PNKD: variants seen among roughly 807,000 people sequenced by gnomAD.
PNKD encodes the protein PNKD metallo-beta-lactamase domain containing.
PNKD carries 36 observed loss-of-function variants against 45.3 expected under a neutral mutation model. The observed-to-expected ratio is 0.80, with a 90% CI of 0.61 to 1.05. PNKD has a LOEUF of 1.05. Ranked by LOEUF, PNKD falls within the 50% of genes least tolerant of loss-of-function variation. PNKD has a pLI of 0.00. For missense variants in PNKD, 511 were observed against 506.6 expected, an observed-to-expected ratio of 1.01 and a Z score of -0.08; for synonymous variants, 197 against 210.1, an observed-to-expected ratio of 0.94 and a Z score of 0.54.
rs577350887 is a variant in PNKD at position 218,304,715 on chromosome 2, T to C, written c.236+33166T>C. 4.6e-5 allele frequency among the ~76,000 whole-genome samples: 7 copies of C among 152,284 alleles called. No homozygotes were observed. The South Asian group carries it at 1.5e-3, about 32-fold the overall frequency. ...GGTCAAATAAAACCATAATTGAATT[T>C]GGGTTTTGTCGCCTGTGATGGTATG... is the stretch of plus-strand genomic sequence containing the variant. On this transcript the variant is annotated intron_variant, in intron 2 of 9. Transcript: ENST00000273077.
Position 218,344,890 on chromosome 2 carries a change from C to G in PNKD, c.1067C>G (p.Pro356Arg). The G allele has an allele frequency of 6.2e-7, 1 of 1,613,870 alleles. No homozygotes were observed. The highest frequency in any genetic ancestry group is 8.5e-7 in the Non-Finnish European group (1 of 1,179,810). Residue 356 changes from proline to arginine, a missense_variant, in exon 10 of 10, where the codon CCG becomes CGG. Transcript: ENST00000273077. The part of the protein sequence containing the change: ...HCLALQEALG[P>R]GPGPTGDDDY... Reference sequence around the variant, plus strand: ...CTGGCGCTACAGGAGGCTCTGGGGCCGGGGCCGGGCCCCACTGGGGATGAT... The same window carrying G: ...CTGGCGCTACAGGAGGCTCTGGGGCGGGGGCCGGGCCCCACTGGGGATGAT...
At chr2:218,328,919 G>C (rs986419087) in intron 2 of PNKD, among the ~76,000 whole-genome samples, 13 of 152,246 alleles carry the variant, frequency 8.5e-5, no homozygotes, top group African/African-American at 3.1e-4. Flanking sequence ...TTCCTAAGGG[G>C]CCTTGGGGCC....
intron 2 of PNKD, chr2:218,280,520 T>C: frequency 3.8e-6 from 1 of 264,708 alleles, no homozygotes; most frequent in South Asian, 3.9e-5. Flanking sequence ...AGAGCGCAGT[T>C]TGTGCAGCAG....
intron 2 of PNKD, among the ~76,000 whole-genome samples, chr2:218,323,949 C>T (rs1694068605): frequency 6.6e-6 from 1 of 152,232 alleles, no homozygotes; most frequent in South Asian, 2.1e-4. Context: ...TCTTCTGTCC[C>T]AAGCAAGAGT....
chr2:218,274,967 T>C (rs1691053173), intron 2 of PNKD: 1 of 153,328 alleles, frequency 6.5e-6, no homozygotes, highest in Non-Finnish European at 1.5e-5. Flanking sequence ...AGCTAAAAGA[T>C]GCCAAGCCAA....
At chr2:218,323,379 G>A (rs1378211679) in intron 2 of PNKD, 2 of 1,578,348 alleles carry the variant, frequency 1.3e-6, no homozygotes, top group African/African-American at 1.4e-5. Context: ...AGCGCGGCGG[G>A]GCCTCCGCGG....
At chr2:218,275,701 G>C in intron 2 of PNKD, 2 of 1,535,466 alleles carry the variant, frequency 1.3e-6, no homozygotes, top group Non-Finnish European at 1.8e-6. Flanking sequence ...ATTTGTCTTG[G>C]GGGCCTATGC....
rs1382279543 is a variant in PNKD at position 218,315,118 on chromosome 2, TTC to T, written c.237-24664_237-24663del. 3.5e-3 allele frequency among the ~76,000 whole-genome samples: 446 copies of T among 126,988 alleles called. 3 individuals carry two copies. Among genetic ancestry groups the T allele is most frequent in the African/African-American group, 0.012 (408 of 34,806 alleles). 83.3% of individuals were successfully genotyped at this position (126,988 alleles called of 152,430 possible). On this transcript the variant is annotated intron_variant, in intron 2 of 9. Coordinates refer to ENST00000273077, the MANE Select transcript of PNKD (RefSeq NM_015488.5). Reference sequence around the variant, plus strand: ...TCTCCTTCCTTCCTTCCTTCCTTCCTTCCTTTCTTTCTTTCTTTCTTTCTTTC... The same window carrying T: ...TCTCCTTCCTTCCTTCCTTCCTTCCTCTTTCTTTCTTTCTTTCTTTCTTTC...
At chr2:218,338,887 G>A (rs901416980) in intron 2 of PNKD, among the ~76,000 whole-genome samples, 1 of 150,942 alleles carries the variant, frequency 6.6e-6, no homozygotes, top group Non-Finnish European at 1.5e-5. Flanking sequence ...CACCCTCCCG[G>A]GCTCAAGCAA....
chr2:218,343,316 G>T (rs554937040), intron 7 of PNKD, among the ~76,000 whole-genome samples, 184 bp from the exon 8 acceptor site: 1 of 152,330 alleles, frequency 6.6e-6, no homozygotes, highest in South Asian at 2.1e-4. Context: ...TGGTCAGGGG[G>T]TGACCAGTTG....
intron 2 of PNKD, chr2:218,272,762 A>G: frequency 6.2e-7 from 1 of 1,614,060 alleles, no homozygotes; most frequent in Non-Finnish European, 8.5e-7. Flanking sequence ...TGCAGACCTG[A>G]GGAGCGCTGC....
At chr2:218,333,074 T>G (rs1302502551) in intron 2 of PNKD, among the ~76,000 whole-genome samples, 2 of 152,184 alleles carry the variant, frequency 1.3e-5, no homozygotes, top group Non-Finnish European at 2.9e-5. Context: ...CTGTCTACAG[T>G]AGGGCCTCTT....
chr2:218,343,184 C>T (rs562026410), intron 7 of PNKD, among the ~76,000 whole-genome samples: 44 of 152,198 alleles, frequency 2.9e-4, no homozygotes, highest in Non-Finnish European at 6.2e-4. Flanking sequence ...GCAGCCTAGG[C>T]GAAGAAGTGT....
chr2:218,277,382 A>C (rs1207871205), intron 2 of PNKD: 9 of 1,614,190 alleles, frequency 5.6e-6, no homozygotes, highest in Admixed American at 1.7e-5. Context: ...CTGAAAGCAG[A>C]AGATGGTGAC....
At chr2:218,329,335 C>T (rs1216908836) in intron 2 of PNKD, among the ~76,000 whole-genome samples, 6 of 152,170 alleles carry the variant, frequency 3.9e-5, no homozygotes, top group Non-Finnish European at 8.8e-5. Context: ...ATCAGGAAGG[C>T]CTGGGATTGC....
At chr2:218,324,005 G>T (rs982714524) in intron 2 of PNKD, among the ~76,000 whole-genome samples, 1 of 152,314 alleles carries the variant, frequency 6.6e-6, no homozygotes, top group Non-Finnish European at 1.5e-5. Context: ...TCTAACCAAA[G>T]CCTGGCCCGT....
At chr2:218,279,512 G>C (rs1299045610) in intron 2 of PNKD, 8 of 577,854 alleles carry the variant, frequency 1.4e-5, no homozygotes, top group Non-Finnish European at 2.4e-5. Context: ...GAGGCAATGT[G>C]CACTTCTTCC....
In PNKD at chr2:218,270,587, G is replaced by GC. The variant is rs745868117; in HGVS notation, c.55dup (p.Arg19ProfsTer13). 1.9e-5 allele frequency: 21 copies of GC among 1,113,284 alleles called. No individual in the cohort carries two copies. Among genetic ancestry groups the GC allele is most frequent in the Non-Finnish European group, 2.0e-5 (17 of 851,880 alleles). The allele number at this position is 1,113,284 out of a possible 1,614,324, so 69.0% of individuals were successfully genotyped here. A position where few individuals can be genotyped will look rare whatever the true frequency, so the allele number is the denominator to read the frequency against. On this transcript the variant is annotated frameshift_variant, in exon 1 of 10. Transcript: ENST00000273077. LOFTEE classifies it high-confidence loss of function. ...GCTGAAGGGCCGGGGGGCGAGAAATGCCCGCGTCCTCCGGGGTAAGGAGAG... is the reference window on the plus strand; with the variant it reads ...GCTGAAGGGCCGGGGGGCGAGAAATGCCCCGCGTCCTCCGGGGTAAGGAGAG...
intron 2 of PNKD, among the ~76,000 whole-genome samples, chr2:218,289,769 A>G (rs1221492630): frequency 6.6e-6 from 1 of 152,090 alleles, no homozygotes; most frequent in Non-Finnish European, 1.5e-5. Flanking sequence ...CTGATGTGCA[A>G]CTGTTTCCAA....
Sources: gnomAD v4.1 joint callset for allele counts (sites outside exome capture counted in the v4.1 genomes callset) on GRCh38, gnomAD v4.1.1 for gene constraint, MANE v1.5 for transcripts, NCBI Gene and HGNC (gene_info 2026-07-23, HGNC 2026-07-21) for gene names.